The following ARHGAP23 variants were observed in gnomAD, a reference collection of about 807,000 sequenced individuals.
ARHGAP23 encodes the protein Rho GTPase activating protein 23.
Under a neutral mutation model 136.3 loss-of-function variants are expected in ARHGAP23, and 34 were observed. The observed-to-expected ratio is 0.25, with a 90% CI of 0.19 to 0.33. The LOEUF is 0.33. ARHGAP23 is among the 10% of genes least tolerant of loss of function. The pLI is 1.00. For missense variants in ARHGAP23, 1,808 were observed against 2,139.0 expected (o/e 0.85, Z 3.05); for synonymous variants, 832 against 920.5 (o/e 0.90, Z 1.74).
intron 1 of ARHGAP23, among the ~76,000 whole-genome samples, chr17:38,449,973 C>T (rs2039123781): frequency 6.6e-6 from 1 of 152,236 alleles, no homozygotes; most frequent in South Asian, 2.1e-4. Context: ...CTCTCCTCCC[C>T]TTCCCCAGTG....
At chr17:38,442,881 C>T (rs561272101) in intron 1 of ARHGAP23, among the ~76,000 whole-genome samples, 3 of 152,178 alleles carry the variant, frequency 2.0e-5, no homozygotes, top group South Asian at 4.1e-4. Context: ...AGGTGACTGC[C>T]GCTTGGAGCA....
intron 1 of ARHGAP23, chr17:38,451,343 G>A (rs61743567): frequency 0.17 from 26,552 of 152,190 alleles, 3,428 homozygotes; most frequent in African/African-American, 0.37. Context: ...CAGGTTAGAG[G>A]GCAGGAAATG....
chr17:38,493,967 A>C (rs531419297), intron 20 of ARHGAP23, among the ~76,000 whole-genome samples: 2 of 152,326 alleles, frequency 1.3e-5, no homozygotes, highest in East Asian at 1.9e-4. Flanking sequence ...AATGTTTCTC[A>C]GCCTCAGCAC....
chr17:38,442,650 G>A (rs1305865229), intron 1 of ARHGAP23, among the ~76,000 whole-genome samples: 2 of 152,196 alleles, frequency 1.3e-5, no homozygotes, highest in Non-Finnish European at 2.9e-5. Flanking sequence ...GAGCAACAGG[G>A]TGGGTAGGAG....
At chr17:38,507,916 C>T (rs1270108247) in intron 23 of ARHGAP23, among the ~76,000 whole-genome samples, 2 of 152,238 alleles carry the variant, frequency 1.3e-5, no homozygotes, top group East Asian at 1.9e-4. Flanking sequence ...ATGGCTGAAA[C>T]AAGAGGTGGT....
chr17:38,496,692 G>T (rs2040399522), intron 20 of ARHGAP23, among the ~76,000 whole-genome samples: 1 of 152,106 alleles, frequency 6.6e-6, no homozygotes, highest in Non-Finnish European at 1.5e-5. Context: ...TCTGTGGTAT[G>T]CCTGTAATCC....
At chr17:38,458,787 A>G (rs2039391653) in intron 2 of ARHGAP23, among the ~76,000 whole-genome samples, 1 of 152,208 alleles carries the variant, frequency 6.6e-6, no homozygotes, top group Non-Finnish European at 1.5e-5. Flanking sequence ...CCAGGCTGGG[A>G]CACAGGAGCC....
chr17:38,510,132 G>A lies in ARHGAP23; in HGVS notation c.3636G>A (p.Arg1212=). 7.9e-7 allele frequency: 1 copy of A among 1,267,860 alleles called. No homozygotes were observed. The highest frequency in any genetic ancestry group is 9.9e-7 in the Non-Finnish European group (1 of 1,013,234). The allele number at this position is 1,267,860 out of a possible 1,614,324, so 78.5% of individuals were successfully genotyped here. A position where few individuals can be genotyped will look rare whatever the true frequency, so the allele number is the denominator to read the frequency against. The change falls in exon 24 of 24, where the codon CGG becomes CGA. Residue 1212 remains arginine (R), a synonymous_variant. Coordinates refer to ENST00000622683, the MANE Select transcript of ARHGAP23 (RefSeq NM_001199417.2). This position sits in a 1 kb window ranked among gnomAD's most constrained non-coding sequence, Gnocchi z 4.6. The part of the protein sequence containing the change: ...AGATAPGTQE[R]PQGPLPGAVA... ...CCACAGCGCCGGGGACTCAGGAGCG[G>A]CCGCAGGGGCCGCTGCCTGGCGCCG...
At chr17:38,502,071 G>A (rs1412033986) in intron 23 of ARHGAP23, among the ~76,000 whole-genome samples, 7 of 152,130 alleles carry the variant, frequency 4.6e-5, no homozygotes, top group African/African-American at 1.7e-4. Flanking sequence ...CACTTTGGGA[G>A]GCTGAGGTCG....
At chr17:38,457,737 C>T (rs1369901424) in intron 1 of ARHGAP23, 3 of 343,520 alleles carry the variant, frequency 8.7e-6, no homozygotes, top group Non-Finnish European at 1.6e-5. Flanking sequence ...AAGACAACGA[C>T]AGGCACTTCC....
At chr17:38,482,282 GC>G (rs892752549) in intron 15 of ARHGAP23, 139 bp downstream of exon 15, 32 of 1,412,428 alleles carry the variant, frequency 2.3e-5, no homozygotes, top group Non-Finnish European at 2.3e-5. Flanking sequence ...AGAGGGGAAG[GC>G]CCCCGCCTGC....
chr17:38,481,233 G>A (rs758020880), intron 14 of ARHGAP23, among the ~76,000 whole-genome samples: 2 of 151,462 alleles, frequency 1.3e-5, no homozygotes, highest in African/African-American at 4.9e-5. Context: ...TGCAAGCTCC[G>A]CCTCCTGGGT....
chr17:38,472,311 G>A (rs1260385312), intron 11 of ARHGAP23, among the ~76,000 whole-genome samples: 6 of 152,210 alleles, frequency 3.9e-5, no homozygotes, highest in Non-Finnish European at 8.8e-5. Flanking sequence ...GGCCGCTGGG[G>A]CTCATGGAAA....
intron 14 of ARHGAP23, among the ~76,000 whole-genome samples, chr17:38,481,025 A>G (rs954197330): frequency 3.3e-5 from 5 of 151,828 alleles, no homozygotes; most frequent in Admixed American, 3.3e-4. Flanking sequence ...TCATTCTGTC[A>G]CTCAGGCTGG....
chr17:38,421,361 C>T (rs937033626), intron 1 of ARHGAP23, among the ~76,000 whole-genome samples: 1 of 152,172 alleles, frequency 6.6e-6, no homozygotes, highest in Non-Finnish European at 1.5e-5. Flanking sequence ...AGGTCCCTCC[C>T]CACAGACATG....
In ARHGAP23 at chr17:38,494,882, C is replaced by T. The variant is rs192378536; in HGVS notation, c.3277-2903C>T. 2.2e-3 allele frequency among the ~76,000 whole-genome samples: 338 copies of T among 152,298 alleles called. 3 individuals carry two copies. The highest frequency in any genetic ancestry group is 3.5e-3 in the Non-Finnish European group (238 of 68,016). ...ATTCCTCTTGAGAGCCGTGGCCACC[C>T]GGGCGCTTCCTGTAGACGCTGTGGC... On this transcript the variant is annotated intron_variant, in intron 20 of 23. Transcript: ENST00000622683.
In ARHGAP23 at chr17:38,511,065, C is replaced by T. The variant is rs965617434; in HGVS notation, c.*93C>T. ...CAGCCTGCACCTCCTCTTCTGTGGC[C>T]CCTGGGTGCATGGTGTGGGTGGAGG... is the stretch of plus-strand genomic sequence containing the variant. On this transcript the variant is annotated 3_prime_UTR_variant, in exon 24 of 24. Transcript: ENST00000622683. The T allele has an allele frequency of 3.1e-6, 4 of 1,274,352 alleles. No individual in the cohort carries two copies. In the African/African-American group the frequency reaches 6.3e-5, roughly 20 times the overall value. The allele number at this position is 1,274,352 out of a possible 1,614,324, so 78.9% of individuals were successfully genotyped here.
At chr17:38,422,554 G>A (rs1386007269) in intron 1 of ARHGAP23, among the ~76,000 whole-genome samples, 1 of 152,060 alleles carries the variant, frequency 6.6e-6, no homozygotes, top group Non-Finnish European at 1.5e-5. Flanking sequence ...ATTTTCTGTC[G>A]GCCACCTCCT....
chr17:38,494,872 C>T (rs952390498), intron 20 of ARHGAP23, among the ~76,000 whole-genome samples: 3 of 152,138 alleles, frequency 2.0e-5, no homozygotes, highest in Non-Finnish European at 2.9e-5. Flanking sequence ...TCTTGAGAGC[C>T]GTGGCCACCC....
Sources: gnomAD v4.1 joint callset for allele counts (sites outside exome capture counted in the v4.1 genomes callset) on GRCh38, gnomAD v4.1.1 for gene constraint, Gnocchi (gnomAD v3.1) non-coding constraint, MANE v1.5 for transcripts, NCBI Gene and HGNC (gene_info 2026-07-23, HGNC 2026-07-21) for gene names.